Variants in PAPSS1 observed in about 807,000 individuals in gnomAD.
PAPSS1 encodes the protein 3'-phosphoadenosine 5'-phosphosulfate synthase 1.
Under a neutral mutation model 72.0 loss-of-function variants are expected in PAPSS1, and 50 were observed. The observed-to-expected ratio is 0.69, with a 90% CI of 0.55 to 0.88. The LOEUF is 0.88. Among genes scored for constraint, PAPSS1 ranks in the 40% least tolerant of loss-of-function variants. The pLI, the probability that PAPSS1 is intolerant of heterozygous loss-of-function variation, is 0.00. For synonymous variants in PAPSS1, 261 were observed against 263.6 expected, an observed-to-expected ratio of 0.99 and a Z score of 0.09; for missense variants, 657 against 782.2, an observed-to-expected ratio of 0.84 and a Z score of 1.91.
chr4:107,651,515 C>T (rs891612359), intron 9 of PAPSS1, among the ~76,000 whole-genome samples: 1 of 152,188 alleles, frequency 6.6e-6, no homozygotes, highest in Non-Finnish European at 1.5e-5. Context: ...CACAGTTCCA[C>T]ACAGCTGGGG....
chr4:107,677,662 T>C (rs998076035), intron 5 of PAPSS1, among the ~76,000 whole-genome samples: 2 of 152,198 alleles, frequency 1.3e-5, no homozygotes, highest in Admixed American at 1.3e-4. Context: ...GAAATACCAT[T>C]GGACCCAACA....
At position 107,631,650 on chromosome 4, in the gene PAPSS1, C is replaced by T; in HGVS notation, c.1717G>A (p.Asp573Asn). 1.2e-6 allele frequency: 2 copies of T among 1,612,176 alleles called. No individual in the cohort carries two copies. The highest frequency in any genetic ancestry group is 1.7e-6 in the Non-Finnish European group (2 of 1,178,270). Residue 573 changes from aspartate to asparagine, a missense_variant, in exon 11 of 12, where the codon GAC becomes AAC. Coordinates refer to ENST00000265174, the MANE Select transcript of PAPSS1 (RefSeq NM_005443.5). ...AAYNKKKKRM[D>N]YYDSEHHEDF... ...ACTTACTGTTCAGAGTCATAGTAGT[C>T]CATACGCTTCTTTTTCTTGTTGTAA...
At chr4:107,628,198 G>C (rs556494150) in intron 11 of PAPSS1, among the ~76,000 whole-genome samples, 8 of 152,252 alleles carry the variant, frequency 5.3e-5, no homozygotes, top group Admixed American at 2.6e-4. Context: ...AGAAAAGTCT[G>C]CTGTCATCTA....
intron 11 of PAPSS1, among the ~76,000 whole-genome samples, chr4:107,618,579 AC>A (rs1725881883): frequency 6.6e-6 from 1 of 151,924 alleles, no homozygotes; most frequent in African/African-American, 2.4e-5. Flanking sequence ...AAAAGAGGAA[AC>A]AGAAGGTGGT....
At chr4:107,641,515 C>G (rs1378381028) in intron 10 of PAPSS1, among the ~76,000 whole-genome samples, 1 of 152,180 alleles carries the variant, frequency 6.6e-6, no homozygotes, top group Non-Finnish European at 1.5e-5. Flanking sequence ...TCTTCTTTGA[C>G]AGACTACAGT....
intron 8 of PAPSS1, 24 bp from the exon 9 acceptor site, chr4:107,653,650 T>A (rs774011075): frequency 4.1e-5 from 65 of 1,604,278 alleles, no homozygotes; most frequent in Non-Finnish European, 5.3e-5. Flanking sequence ...CAAATTTTTT[T>A]AATGGAAACC....
chr4:107,664,059 T>C (rs1727255116), intron 5 of PAPSS1, among the ~76,000 whole-genome samples: 1 of 152,192 alleles, frequency 6.6e-6, no homozygotes, highest in African/African-American at 2.4e-5. Context: ...TGCAACCAAC[T>C]GTTCCAAACC....
intron 5 of PAPSS1, among the ~76,000 whole-genome samples, chr4:107,663,524 G>A (rs4956118): frequency 0.23 from 35,282 of 151,990 alleles, 4,181 homozygotes; most frequent in East Asian, 0.37. Flanking sequence ...GTGAATTTTA[G>A]TCCATTAATC....
At position 107,680,069 on chromosome 4, in the gene PAPSS1, A is replaced by C. The variant is rs189858364; in HGVS notation, c.669+1946T>G. Among the ~76,000 whole-genome samples the C allele has an allele frequency of 3.9e-5, 6 of 152,272 alleles. No homozygotes were observed. The East Asian group carries it at 9.6e-4, about 24-fold the overall frequency. Reference sequence around the variant, plus strand: ...GATGAAAGAAACAGAGCATCTAAAAACTGTGGGACAACATATTATTCAACA... The same window carrying C: ...GATGAAAGAAACAGAGCATCTAAAACCTGTGGGACAACATATTATTCAACA... On this transcript the variant is annotated intron_variant, in intron 5 of 11. Transcript: ENST00000265174.
chr4:107,636,218 C>T (rs1726376787), intron 10 of PAPSS1, among the ~76,000 whole-genome samples: 1 of 151,944 alleles, frequency 6.6e-6, no homozygotes, highest in South Asian at 2.1e-4. Context: ...GAAACTAACT[C>T]AAAGATCCTT....
chr4:107,646,400 T>C (rs72673586), intron 9 of PAPSS1, among the ~76,000 whole-genome samples: 3 of 150,532 alleles, frequency 2.0e-5, no homozygotes, highest in African/African-American at 7.3e-5. Context: ...TGTAGCACCG[T>C]TGTTTGGTCC....
At chr4:107,714,474 C>T (rs1723585042) in intron 1 of PAPSS1, among the ~76,000 whole-genome samples, 1 of 152,150 alleles carries the variant, frequency 6.6e-6, no homozygotes, top group Admixed American at 6.5e-5. Flanking sequence ...GATTTCAAAA[C>T]AATTCAGGAT....
rs78234928 is a variant in PAPSS1, at chr4:107,683,749, C to T, written c.551-1616G>A. Reference sequence around the variant, plus strand: ...TTAATACAAGGATATACTGACTGTCCGATAAATGTCATGTAAAGGTCTATA... The same window carrying T: ...TTAATACAAGGATATACTGACTGTCTGATAAATGTCATGTAAAGGTCTATA... On this transcript the variant is annotated intron_variant, in intron 4 of 11. Coordinates refer to ENST00000265174, the MANE Select transcript of PAPSS1 (RefSeq NM_005443.5). Among the ~76,000 whole-genome samples, 447 of 152,116 alleles carry T rather than the reference C, an allele frequency of 2.9e-3. 1 individual carries two copies. The highest frequency in any genetic ancestry group is 0.01 in the African/African-American group (417 of 41,492).
intron 1 of PAPSS1, among the ~76,000 whole-genome samples, chr4:107,705,411 TTC>T (rs1179106692): frequency 6.6e-6 from 1 of 152,152 alleles, no homozygotes; most frequent in East Asian, 1.9e-4. Context: ...TCCCCCCTTG[TTC>T]TCTCTCTCCT....
chr4:107,641,540 T>C (rs898180910), intron 10 of PAPSS1, among the ~76,000 whole-genome samples: 4 of 152,214 alleles, frequency 2.6e-5, no homozygotes, highest in Non-Finnish European at 4.4e-5. Context: ...TCCCTTATCC[T>C]CTCTGAGCTT....
At chr4:107,686,884 T>C (rs1300170226) in intron 4 of PAPSS1, among the ~76,000 whole-genome samples, 155 bp downstream of exon 4, 1 of 152,222 alleles carries the variant, frequency 6.6e-6, no homozygotes, top group Admixed American at 6.5e-5. Context: ...ACTGCTGCTA[T>C]GCCTGAGAGA....
intron 10 of PAPSS1, among the ~76,000 whole-genome samples, chr4:107,643,285 C>A (rs1342868869): frequency 6.6e-6 from 1 of 152,208 alleles, no homozygotes; most frequent in Non-Finnish European, 1.5e-5. Context: ...GCTGTCGCCC[C>A]GCTCAGAAAC....
At chr4:107,651,444 T>C (rs543852749) in intron 9 of PAPSS1, among the ~76,000 whole-genome samples, 168 of 152,288 alleles carry the variant, frequency 1.1e-3, no homozygotes, top group Non-Finnish European at 1.8e-3. Flanking sequence ...TGTATTACCA[T>C]GTTGCTATGA....
At chr4:107,696,780 C>T (rs1442709287) in intron 2 of PAPSS1, among the ~76,000 whole-genome samples, 1 of 152,008 alleles carries the variant, frequency 6.6e-6, no homozygotes, top group Non-Finnish European at 1.5e-5. Context: ...TTGAGAGCAT[C>T]GATACAGTGT....
Sources: gnomAD v4.1 joint callset for allele counts (sites outside exome capture counted in the v4.1 genomes callset) on GRCh38, gnomAD v4.1.1 for gene constraint, MANE v1.5 for transcripts, NCBI Gene and HGNC (gene_info 2026-07-23, HGNC 2026-07-21) for gene names.